ARHGEF18: variants seen among roughly 807,000 people sequenced by gnomAD.
The protein encoded by ARHGEF18 is rho guanine nucleotide exchange factor 18.
A neutral mutation model predicts 155.7 loss-of-function variants in ARHGEF18; 93 were observed. The observed-to-expected ratio is 0.60, with a 90% CI of 0.50 to 0.71. The LOEUF (loss-of-function observed/expected upper bound fraction) is 0.71. Among genes scored for constraint, ARHGEF18 ranks in the 30% least tolerant of loss-of-function variants. ARHGEF18 has a pLI of 0.00. For synonymous variants in ARHGEF18, 742 were observed against 753.1 expected, an observed-to-expected ratio of 0.99 and a Z score of 0.24; for missense variants, 1,593 against 1,816.1, an observed-to-expected ratio of 0.88 and a Z score of 2.23.
chr19:7,363,485 G>C (rs1312003491), intron 2 of ARHGEF18, among the ~76,000 whole-genome samples: 1 of 151,318 alleles, frequency 6.6e-6, no homozygotes, highest in Non-Finnish European at 1.5e-5. Context: ...AAGGAGAGAT[G>C]GTTGATGAAT....
intron 1 of ARHGEF18, among the ~76,000 whole-genome samples, chr19:7,349,741 CAAAGA>C (rs1222422028): frequency 6.6e-6 from 1 of 151,780 alleles, no homozygotes; most frequent in Non-Finnish European, 1.5e-5. Context: ...AGTCTCAAAA[CAAAGA>C]AAAGAAAAAG....
At chr19:7,451,349 G>A (rs555081052) in intron 16 of ARHGEF18, 83 bp downstream of exon 16, 86 of 1,140,140 alleles carry the variant, frequency 7.5e-5, no homozygotes, top group Admixed American at 6.2e-4. Context: ...TATTTGAGCA[G>A]CAAACTGAAT....
In ARHGEF18 at chr19:7,461,077, G is replaced by A. The variant is rs558988964; in HGVS notation, c.2453-1075G>A. Among the ~76,000 whole-genome samples, 7 of 150,942 alleles carry A rather than the reference G, an allele frequency of 4.6e-5. No homozygotes were observed. In the South Asian group the frequency reaches 1.3e-3, roughly 28 times the overall value. On this transcript the variant is annotated intron_variant, in intron 20 of 28. Transcript: ENST00000668164. ...GCTGGGATTACAGGCGTGAGCCACC[G>A]CTCCCGGCCCTGTATTATTCATTTC...
chr19:7,469,275 G>C (rs1176389085), intron 27 of ARHGEF18, 144 bp downstream of exon 27: 3 of 1,095,582 alleles, frequency 2.7e-6, no homozygotes, highest in Non-Finnish European at 3.8e-6. Flanking sequence ...TCGTGGCTGA[G>C]GCCACCCCAC....
In ARHGEF18 at chr19:7,383,192, T is replaced by C. The variant is rs1970829471; in HGVS notation, c.956T>C (p.Phe319Ser). ...AGCTGCCCCCTGTGTGGCAAACCTT[T>C]CTTGAGCTCAGGTAAGTCTGGTGGC... ...PSSCPLCGKP[F>S]LSSASLKEHP... The change falls in exon 10 of 29, where the codon TTC becomes TCC. Residue 319 changes from phenylalanine (F) to serine (S), a missense_variant. Coordinates refer to ENST00000668164, the MANE Select transcript of ARHGEF18 (RefSeq NM_001367823.1). 10 of 1,232,328 alleles carry C rather than the reference T, an allele frequency of 8.1e-6. No individual in the cohort carries two copies. Among genetic ancestry groups the C allele is most frequent in the Non-Finnish European group, 1.0e-5 (10 of 988,098 alleles). 76.3% of individuals were successfully genotyped at this position (1,232,328 alleles called of 1,614,324 possible). A position where few individuals can be genotyped will look rare whatever the true frequency, so the allele number is the denominator to read the frequency against.
intron 10 of ARHGEF18, 57 bp downstream of exon 10, chr19:7,383,260 G>T: frequency 1.6e-6 from 2 of 1,231,360 alleles, no homozygotes; most frequent in African/African-American, 3.1e-5. Context: ...TCTTCTTCAC[G>T]TCCTTTCAAT....
intron 1 of ARHGEF18, among the ~76,000 whole-genome samples, chr19:7,362,181 GAAGGAGAAGAAGGAGA>G: frequency 2.5e-5 from 3 of 119,706 alleles, no homozygotes; most frequent in Non-Finnish European, 4.7e-5. Flanking sequence ...AGAAGGAGAA[GAAGGAGAAGAAGGAGA>G]AGAAGAAGGA....
rs377056531 is a variant in ARHGEF18 at position 7,462,823 on chromosome 19, C to CT, written c.2635+496dup. ...GCAGTCAGCGCCCAGTCTGCTCTTTCTTTTTTTCTTTTCTTTTTTTTTTTT... is the reference window on the plus strand; with the variant it reads ...GCAGTCAGCGCCCAGTCTGCTCTTTCTTTTTTTTCTTTTCTTTTTTTTTTTT... On this transcript the variant is annotated intron_variant, in intron 21 of 28. Transcript: ENST00000668164. This position sits in a 1 kb window ranked among gnomAD's most constrained non-coding sequence, Gnocchi z 4.4. 8.5e-5 allele frequency among the ~76,000 whole-genome samples: 12 copies of CT among 140,442 alleles called. No individual in the cohort carries two copies. The East Asian group carries it at 2.6e-3, about 31-fold the overall frequency. The allele number at this position is 140,442 out of a possible 152,430, so 92.1% of individuals were successfully genotyped here. A position where few individuals can be genotyped will look rare whatever the true frequency, so the allele number is the denominator to read the frequency against.
At chr19:7,425,763 A>T (rs984981191) in intron 10 of ARHGEF18, among the ~76,000 whole-genome samples, 2 of 151,360 alleles carry the variant, frequency 1.3e-5, no homozygotes, top group Non-Finnish European at 2.9e-5. Flanking sequence ...ACTTTGGGAG[A>T]CCAAGGCAGG....
rs1294149515 is a variant in ARHGEF18, at chr19:7,378,532, G to C, written c.599+81G>C. ...AGGGCTGCGGGAGGAGGGCTGCCAGGGTGCAGTGTTGCTGGCCATAAGTGA... is the reference window on the plus strand; with the variant it reads ...AGGGCTGCGGGAGGAGGGCTGCCAGCGTGCAGTGTTGCTGGCCATAAGTGA... On this transcript the variant is annotated intron_variant, in intron 6 of 28. Coordinates refer to ENST00000668164, the MANE Select transcript of ARHGEF18 (RefSeq NM_001367823.1). 4.3e-6 allele frequency: 5 copies of C among 1,151,540 alleles called. No individual in the cohort carries two copies. The East Asian group carries it at 1.3e-4, about 29-fold the overall frequency. The allele number at this position is 1,151,540 out of a possible 1,614,324, so 71.3% of individuals were successfully genotyped here.
At chr19:7,411,251 TCTTCCCCTTCCC>T (rs143676032) in intron 10 of ARHGEF18, among the ~76,000 whole-genome samples, 1 of 128,908 alleles carries the variant, frequency 7.8e-6, no homozygotes, top group Non-Finnish European at 1.6e-5. Flanking sequence ...TTCCCCTACC[TCTTCCCCTTCCC>T]CTTCCCCTTC....
At position 7,459,974 on chromosome 19, in the gene ARHGEF18, C is replaced by T. The variant is rs776708960; in HGVS notation, c.2432C>T (p.Thr811Met). The change falls in exon 20 of 29, where the codon ACG becomes ATG. Residue 811 changes from threonine (T) to methionine (M), a missense_variant. By Grantham distance (81) the Thr-to-Met change is moderately conservative. Transcript: ENST00000668164. ...EERKVVEARA[T>M]RLRDFQERLS... The stretch of plus-strand genomic sequence containing the variant: ...AGGAAGGTGGTCGAGGCCCGCGCCA[C>T]GAGACTCCGGGACTTTCAAGGTGAG... 2.0e-5 allele frequency: 31 copies of T among 1,583,162 alleles called. No homozygotes were observed. Among genetic ancestry groups the T allele is most frequent in the East Asian group, 1.2e-4 (5 of 43,244 alleles).
At chr19:7,371,048 C>A (rs943038305) in intron 2 of ARHGEF18, among the ~76,000 whole-genome samples, 8 of 152,042 alleles carry the variant, frequency 5.3e-5, no homozygotes, top group African/African-American at 1.4e-4. Flanking sequence ...GTAGCTGGGA[C>A]TACAGGAGCC....
At position 7,416,530 on chromosome 19, in the gene ARHGEF18, C is replaced by CGTGTGTGTGTGT. The variant is rs71179108; in HGVS notation, c.968-23777_968-23766dup. Among the ~76,000 whole-genome samples the CGTGTGTGTGTGT allele has an allele frequency of 2.3e-3, 240 of 105,936 alleles. 4 individuals are homozygous for CGTGTGTGTGTGT. The highest frequency in any genetic ancestry group is 4.1e-3 in the African/African-American group (122 of 29,920). 69.5% of individuals were successfully genotyped at this position (105,936 alleles called of 152,430 possible). ...TGTGATGTGCCTCACGGAGAAAATT[C>CGTGTGTGTGTGT]GTGTGTGTGTGTGTGTGTGTGTGTG... On this transcript the variant is annotated intron_variant, in intron 10 of 28. Transcript: ENST00000668164.
chr19:7,386,291 G>T (rs1229595606), intron 10 of ARHGEF18, among the ~76,000 whole-genome samples: 1 of 150,714 alleles, frequency 6.6e-6, no homozygotes, highest in Non-Finnish European at 1.5e-5. Flanking sequence ...GAGACAGAGT[G>T]ATTACAGAGT....
intron 10 of ARHGEF18, among the ~76,000 whole-genome samples, chr19:7,412,202 ATT>A: frequency 6.6e-6 from 1 of 151,324 alleles, no homozygotes; most frequent in African/African-American, 2.4e-5. Context: ...CACCCGGCTA[ATT>A]TTTGTATTTT....
intron 10 of ARHGEF18, among the ~76,000 whole-genome samples, chr19:7,391,123 G>A (rs1971379538): frequency 6.6e-6 from 1 of 152,028 alleles, no homozygotes; most frequent in South Asian, 2.1e-4. Context: ...CTCCCCACCT[G>A]TGTCAGGAGG....
rs1186175402 is a variant in ARHGEF18, at chr19:7,463,109, T to C, written c.2636-709T>C. 6.6e-6 allele frequency among the ~76,000 whole-genome samples: 1 copy of C among 152,108 alleles called. No individual in the cohort carries two copies. The highest frequency in any genetic ancestry group is 1.5e-5 in the Non-Finnish European group (1 of 67,994). ...TCTGCCTCCCAAGGTGCTGGGATTA[T>C]AGGCGTGAGCCACCGCGCCCTGCCT... On this transcript the variant is annotated intron_variant, in intron 21 of 28. Transcript: ENST00000668164. This position sits in a 1 kb window ranked among gnomAD's most constrained non-coding sequence, Gnocchi z 5.2.
At chr19:7,375,441 AAAAG>A (rs1011719978) in intron 3 of ARHGEF18, among the ~76,000 whole-genome samples, 3 of 149,952 alleles carry the variant, frequency 2.0e-5, no homozygotes, top group Admixed American at 1.3e-4. Context: ...GGAAGAAAAG[AAAAG>A]AAAGAAAAGA....
Sources: gnomAD v4.1 joint callset for allele counts (sites outside exome capture counted in the v4.1 genomes callset) on GRCh38, gnomAD v4.1.1 for gene constraint, Gnocchi (gnomAD v3.1) non-coding constraint, MANE v1.5 for transcripts, NCBI Gene and HGNC (gene_info 2026-07-23, HGNC 2026-07-21) for gene names.